The following GBF1 variants were observed in gnomAD, a reference collection of about 807,000 sequenced individuals.
The protein encoded by GBF1 is Golgi-specific brefeldin A-resistance guanine nucleotide exchange factor 1.
A neutral mutation model predicts 210.5 loss-of-function variants in GBF1; 114 were observed. The ratio of observed to expected loss-of-function variants is 0.54; its 90% CI spans 0.47 to 0.63. The LOEUF is 0.63. GBF1 is among the 30% of genes least tolerant of loss of function. The pLI is 0.00. For missense variants in GBF1, 1,851 were observed against 2,357.7 expected, an observed-to-expected ratio of 0.79 and a Z score of 4.45; for synonymous variants, 850 against 889.2, an observed-to-expected ratio of 0.96 and a Z score of 0.78.
intron 3 of GBF1, among the ~76,000 whole-genome samples, chr10:102,341,077 G>A (rs757962984): frequency 6.6e-5 from 10 of 152,150 alleles, no homozygotes; most frequent in Non-Finnish European, 1.0e-4. Flanking sequence ...TGAAGGACTT[G>A]AATTCAGAAT....
In GBF1 at chr10:102,362,529, G is replaced by T. The variant is rs1315114905; in HGVS notation, c.1741G>T (p.Ala581Ser). 6.2e-7 allele frequency: 1 copy of T among 1,613,864 alleles called. No individual in the cohort carries two copies. Among genetic ancestry groups the T allele is most frequent in the Admixed American group, 1.7e-5 (1 of 60,014 alleles). ...LYTTHLLSLD[A>S]LLTVIDSTEA... ...TACAACACACCTACTATCTCTTGAT[G>T]CCCTATTGACAGTGATTGACAGCAC... is the stretch of plus-strand genomic sequence containing the variant. Residue 581 changes from alanine (A) to serine (S), a missense_variant, in exon 15 of 40, where the codon GCC (alanine) becomes TCC (serine). Ala to Ser is a moderately conservative substitution (Grantham distance 99). Coordinates refer to ENST00000369983, the MANE Select transcript of GBF1 (RefSeq NM_001377137.1).
At chr10:102,306,993 A>G (rs2077942715) in intron 3 of GBF1, among the ~76,000 whole-genome samples, 1 of 152,192 alleles carries the variant, frequency 6.6e-6, no homozygotes, top group Non-Finnish European at 1.5e-5. Flanking sequence ...GCCAGCCAAG[A>G]ATCTCCTTGC....
intron 3 of GBF1, among the ~76,000 whole-genome samples, chr10:102,260,909 C>T (rs538457508): frequency 6.6e-6 from 1 of 152,182 alleles, no homozygotes; most frequent in East Asian, 1.9e-4. Flanking sequence ...ATCATTTGTC[C>T]CTTTGTTTGC....
At chr10:102,329,562 C>T (rs942736144) in intron 3 of GBF1, among the ~76,000 whole-genome samples, 4 of 152,124 alleles carry the variant, frequency 2.6e-5, no homozygotes, top group Non-Finnish European at 5.9e-5. Context: ...CTCCCAGGTT[C>T]ACTCCATTCT....
chr10:102,352,061 CTA>C, intron 6 of GBF1, 110 bp downstream of exon 6: 2 of 717,170 alleles, frequency 2.8e-6, no homozygotes, highest in Admixed American at 4.1e-5. Flanking sequence ...TCTCCATCAT[CTA>C]TCTCATGCGA....
intron 3 of GBF1, among the ~76,000 whole-genome samples, chr10:102,342,392 C>A (rs565214982): frequency 3.0e-4 from 44 of 148,472 alleles, no homozygotes; most frequent in Admixed American, 2.4e-3. Flanking sequence ...CACACACGCA[C>A]ACACACACAC....
chr10:102,291,020 G>C (rs1298359012), intron 3 of GBF1, among the ~76,000 whole-genome samples: 1 of 152,088 alleles, frequency 6.6e-6, no homozygotes, highest in Non-Finnish European at 1.5e-5. Flanking sequence ...TGAATTATCT[G>C]TTCTTATCTC....
Position 102,274,699 on chromosome 10 carries a change from A to ATTTTTTT in GBF1, c.163+14607_163+14613dup, listed in dbSNP as rs1174743189. Among the ~76,000 whole-genome samples the ATTTTTTT allele has an allele frequency of 2.7e-3, 193 of 71,716 alleles. 18 individuals carry two copies. The highest frequency in any genetic ancestry group is 8.1e-3 in the African/African-American group (125 of 15,372). The allele number at this position is 71,716 out of a possible 152,430, so 47.0% of individuals were successfully genotyped here. ...TGAAGTCTACAGGTGCAAAACAAAG[A>ATTTTTTT]TTTTTTTTTTTTTTTTTTTTTTTTT... On this transcript the variant is annotated intron_variant, in intron 3 of 39. Coordinates refer to ENST00000369983, the MANE Select transcript of GBF1 (RefSeq NM_001377137.1).
chr10:102,285,373 G>C lies in GBF1; in HGVS notation c.163+25257G>C, dbSNP rs1221154262. ...CACAGAATAACCTTCTGGGGAGGGA[G>C]TTAACTCTAATTCCTGATAAATGAC... On this transcript the variant is annotated intron_variant, in intron 3 of 39. Transcript: ENST00000369983. Among the ~76,000 whole-genome samples, 9 of 152,322 alleles carry C rather than the reference G, an allele frequency of 5.9e-5. No homozygotes were observed. In the East Asian group the frequency reaches 1.7e-3, roughly 29 times the overall value.
At chr10:102,277,737 C>T (rs2075121415) in intron 3 of GBF1, among the ~76,000 whole-genome samples, 1 of 152,158 alleles carries the variant, frequency 6.6e-6, no homozygotes, top group Non-Finnish European at 1.5e-5. Flanking sequence ...CAAGGATATT[C>T]TCTTACTAAT....
At position 102,361,702 on chromosome 10, in the gene GBF1, A is replaced by AC. The variant is rs776719269; in HGVS notation, c.1492-15dup. The AC allele has an allele frequency of 2.3e-5, 35 of 1,534,478 alleles. No individual in the cohort carries two copies. The highest frequency in any genetic ancestry group is 3.0e-5 in the Non-Finnish European group (34 of 1,136,358). On this transcript the variant is annotated splice_polypyrimidine_tract_variant and intron_variant, in intron 13 of 39. Transcript: ENST00000369983. ...TCCTTTCCCCACCCAAATGGCAATT[A>AC]CTGGGTTATTGCCAGATGTACATCA... is the stretch of plus-strand genomic sequence containing the variant.
intron 1 of GBF1, among the ~76,000 whole-genome samples, chr10:102,248,472 G>A (rs2071103759): frequency 6.6e-6 from 1 of 152,128 alleles, no homozygotes; most frequent in Non-Finnish European, 1.5e-5. Context: ...TGATGGCAAA[G>A]TAATGGTTTG....
At chr10:102,313,283 G>A (rs1037602717) in intron 3 of GBF1, among the ~76,000 whole-genome samples, 1 of 152,154 alleles carries the variant, frequency 6.6e-6, no homozygotes, top group African/African-American at 2.4e-5. Context: ...AGTCGGTACT[G>A]CAGTCAGTAT....
chr10:102,320,600 A>T (rs1483969341), intron 3 of GBF1, among the ~76,000 whole-genome samples: 1 of 151,960 alleles, frequency 6.6e-6, no homozygotes, highest in Non-Finnish European at 1.5e-5. Flanking sequence ...ACTTCCTTCT[A>T]AAGCAACTTG....
At position 102,363,334 on chromosome 10, in the gene GBF1, G is replaced by A. The variant is rs755698017; in HGVS notation, c.1955G>A (p.Arg652Gln). ...GGCCTGCATCTGCCAGGTGGAGGGC[G>A]GCTGCCACCAGAACATGGGAAATCA... is the stretch of plus-strand genomic sequence containing the variant. ...IPGLHLPGGG[R>Q]LPPEHGKSGC... is the part of the protein sequence containing the mutation. The change falls in exon 16 of 40, where the codon CGG (arginine) becomes CAG (glutamine). Residue 652 changes from arginine (R) to glutamine (Q), a missense_variant. Transcript: ENST00000369983. The surrounding 1 kb of genome is among the most constrained non-coding windows in gnomAD (Gnocchi z 4.2). The A allele has an allele frequency of 3.8e-5, 62 of 1,614,032 alleles. No individual in the cohort carries two copies. In the East Asian group the frequency reaches 5.8e-4, roughly 15 times the overall value.
intron 8 of GBF1, among the ~76,000 whole-genome samples, chr10:102,354,649 C>T (rs1231425164): frequency 1.3e-5 from 2 of 152,198 alleles, no homozygotes; most frequent in Non-Finnish European, 1.5e-5. Flanking sequence ...TCTCCTGGGG[C>T]ATCTGGTTGC....
At chr10:102,294,829 A>G (rs1317194982) in intron 3 of GBF1, among the ~76,000 whole-genome samples, 1 of 152,242 alleles carries the variant, frequency 6.6e-6, no homozygotes, top group Non-Finnish European at 1.5e-5. Context: ...AGGCTGTACC[A>G]TATAGCCTAG....
chr10:102,290,716 G>A (rs1262959342), intron 3 of GBF1, among the ~76,000 whole-genome samples: 1 of 152,076 alleles, frequency 6.6e-6, no homozygotes, highest in African/African-American at 2.4e-5. Context: ...TGTTTCCCAG[G>A]CTAGTCTCAA....
chr10:102,260,782 T>G (rs1198762680), intron 3 of GBF1, among the ~76,000 whole-genome samples: 3 of 152,004 alleles, frequency 2.0e-5, no homozygotes, highest in Non-Finnish European at 2.9e-5. Context: ...TGGCCTATAT[T>G]TTCTTTAAAA....
Sources: gnomAD v4.1 joint callset for allele counts (sites outside exome capture counted in the v4.1 genomes callset) on GRCh38, gnomAD v4.1.1 for gene constraint, Gnocchi (gnomAD v3.1) non-coding constraint, MANE v1.5 for transcripts, NCBI Gene and HGNC (gene_info 2026-07-23, HGNC 2026-07-21) for gene names.